The following KCTD2 variants were observed in gnomAD, a reference collection of about 807,000 sequenced individuals.
KCTD2 encodes potassium channel tetramerization domain containing 2.
KCTD2 carries 18 observed loss-of-function variants against 27.9 expected under a neutral mutation model. The ratio of observed to expected loss-of-function variants is 0.64; its 90% CI spans 0.45 to 0.96. KCTD2 has a LOEUF of 0.96. Among genes scored for constraint, KCTD2 ranks in the 40% least tolerant of loss-of-function variants. The pLI is 0.00. For missense variants in KCTD2, 280 were observed against 348.0 expected, an observed-to-expected ratio of 0.80 and a Z score of 1.56; for synonymous variants, 175 against 148.4, an observed-to-expected ratio of 1.18 and a Z score of -1.30.
At chr17:75,048,349 A>G (rs1598120609) in intron 1 of KCTD2, among the ~76,000 whole-genome samples, 3 of 152,120 alleles carry the variant, frequency 2.0e-5, no homozygotes, top group Admixed American at 6.5e-5. Flanking sequence ...TTACGTATTC[A>G]CCTTTAAGTT....
intron 4 of KCTD2, among the ~76,000 whole-genome samples, chr17:75,061,830 G>A (rs924664426): frequency 1.3e-5 from 2 of 151,938 alleles, no homozygotes; most frequent in African/African-American, 4.8e-5. Context: ...TGCTGTGCTC[G>A]ACGGGGCGTG....
At chr17:75,033,295 AT>A (rs1468765719) in intron 1 of KCTD2, among the ~76,000 whole-genome samples, 1 of 151,898 alleles carries the variant, frequency 6.6e-6, no homozygotes, top group Non-Finnish European at 1.5e-5. Context: ...TTAATAATGG[AT>A]TTTAAATGTG....
chr17:75,035,408 G>C (rs80319906), intron 3 of KCTD2: 1 of 152,104 alleles, frequency 6.6e-6, no homozygotes. Flanking sequence ...TACCTGGAAC[G>C]AGTTCAACAT....
intron 5 of KCTD2, 102 bp from the exon 6 acceptor site, chr17:75,062,916 A>G (rs2073419185): frequency 4.7e-6 from 6 of 1,267,578 alleles, no homozygotes; most frequent in Non-Finnish European, 6.9e-6. Context: ...TCCTGGGATG[A>G]CAGGACCATC....
intron 4 of KCTD2, 62 bp downstream of exon 4, chr17:75,059,667 C>CA (rs2073384295): frequency 3.0e-6 from 4 of 1,320,666 alleles, no homozygotes; most frequent in Middle Eastern, 3.7e-4. Context: ...GCTCTTCAAA[C>CA]AATCAGTGTG....
At chr17:75,062,699 AACACACACACACACACACACACACACAC>A (rs10533801) in intron 5 of KCTD2, among the ~76,000 whole-genome samples, 19 of 115,990 alleles carry the variant, frequency 1.6e-4, no homozygotes, top group Non-Finnish European at 2.4e-4. Flanking sequence ...CCTCACCCCC[AACACACACACACACACACACACACACAC>A]ACACACACAC....
chr17:75,051,576 G>GCA (rs2073287399), intron 2 of KCTD2, among the ~76,000 whole-genome samples: 1 of 149,156 alleles, frequency 6.7e-6, no homozygotes, highest in Non-Finnish European at 1.5e-5. Context: ...GAGCCACCAT[G>GCA]CCCGACCTTT....
chr17:75,043,790 GC>G (rs2144915462), upstream of KCTD2, among the ~76,000 whole-genome samples: 1 of 152,196 alleles, frequency 6.6e-6, no homozygotes, highest in East Asian at 1.9e-4. Context: ...GTTTCAACAA[GC>G]CTTAAATAGA....
intron 2 of KCTD2, among the ~76,000 whole-genome samples, chr17:75,034,443 G>A (rs1455383884): frequency 1.3e-5 from 2 of 152,164 alleles, no homozygotes; most frequent in Admixed American, 6.5e-5. Context: ...CCCCAGGTGG[G>A]ACTCGAACCC....
At chr17:75,055,244 G>A (rs2073337094) in intron 3 of KCTD2, among the ~76,000 whole-genome samples, 1 of 151,558 alleles carries the variant, frequency 6.6e-6, no homozygotes, top group Admixed American at 6.6e-5. Context: ...TAGTAGAGAT[G>A]GTGTTTCGCC....
intron 3 of KCTD2, chr17:75,039,888 G>A: frequency 1.6e-6 from 1 of 617,930 alleles, no homozygotes; most frequent in Non-Finnish European, 2.8e-6. Flanking sequence ...GGAATCATAT[G>A]CTATACTCTT....
upstream of KCTD2, chr17:75,042,247 A>G (rs1415111720): frequency 1.2e-6 from 2 of 1,614,228 alleles, no homozygotes; most frequent in Non-Finnish European, 1.7e-6. Flanking sequence ...CCCAGTCGAT[A>G]GCTGGTGGAT....
In KCTD2 at chr17:75,062,088, C is replaced by T. The variant is rs55720441; in HGVS notation, c.637-32C>T. 8.7e-3 allele frequency: 13,965 copies of T among 1,612,632 alleles called. 946 individuals carry two copies. The African/African-American group carries it at 0.16, about 18-fold the overall frequency. On this transcript the variant is annotated intron_variant, in intron 4 of 5. Transcript: ENST00000322444. ...TTTCGAAAGTATGTTAAGATTGCCA[C>T]ATGAATGTTCACTGTATTCTTGGTT... is the stretch of plus-strand genomic sequence containing the variant.
chr17:75,059,449 G>T, intron 3 of KCTD2, 61 bp from the exon 4 acceptor site: 2 of 1,135,980 alleles, frequency 1.8e-6, no homozygotes, highest in Non-Finnish European at 2.5e-6. Flanking sequence ...GAGCCTCCTT[G>T]GGGCAGCTGC....
intron 4 of KCTD2, among the ~76,000 whole-genome samples, chr17:75,060,214 C>T (rs532159768): frequency 2.0e-5 from 3 of 152,042 alleles, no homozygotes; most frequent in Non-Finnish European, 4.4e-5. Context: ...AAGGCCAGAG[C>T]GAATAGAGTA....
At chr17:75,042,265 T>C (rs2144913047), upstream of KCTD2, 1 of 1,614,094 alleles carries the variant, frequency 6.2e-7, no homozygotes, top group Non-Finnish European at 8.5e-7. Context: ...GATTCTCAGG[T>C]AAAGCAGCCA....
intron 1 of KCTD2, chr17:75,033,186 T>G (rs967894463): frequency 1.3e-5 from 2 of 152,078 alleles, no homozygotes; most frequent in Non-Finnish European, 2.9e-5. Flanking sequence ...CCAGGCTGGT[T>G]TTGAACTCCT....
chr17:75,035,688 A>G (rs1312467806), intron 3 of KCTD2, among the ~76,000 whole-genome samples: 1 of 152,046 alleles, frequency 6.6e-6, no homozygotes, highest in Non-Finnish European at 1.5e-5. Context: ...TAGCCGGCCA[A>G]TCGTGGTGGC....
upstream of KCTD2, among the ~76,000 whole-genome samples, chr17:75,045,712 G>A (rs1191881413): frequency 2.0e-5 from 3 of 152,222 alleles, no homozygotes; most frequent in East Asian, 1.9e-4. Context: ...TTTTTTCAGG[G>A]TGCCCACATT....
Sources: gnomAD v4.1 joint callset for allele counts (sites outside exome capture counted in the v4.1 genomes callset) on GRCh38, gnomAD v4.1.1 for gene constraint, MANE v1.5 for transcripts, NCBI Gene and HGNC (gene_info 2026-07-23, HGNC 2026-07-21) for gene names.